Variants in THAP3 observed in about 807,000 individuals in gnomAD.
The protein encoded by THAP3 is THAP domain-containing protein 3.
THAP3 carries 12 observed loss-of-function variants against 17.7 expected under a neutral mutation model. That is an observed-to-expected ratio of 0.68 (90% CI 0.43 to 1.10). The LOEUF is 1.10. Among genes scored for constraint, THAP3 ranks in the 50% least tolerant of loss-of-function variants. The pLI is 0.00. For synonymous variants in THAP3, 133 were observed against 126.9 expected (o/e 1.05, Z -0.32); for missense variants, 289 against 318.0 (o/e 0.91, Z 0.69).
chr1:6,625,032 C>T, intron 1 of THAP3, 78 bp downstream of exon 1: 2 of 603,056 alleles, frequency 3.3e-6, no homozygotes, highest in African/African-American at 2.0e-5. Flanking sequence ...CTTTACGTGG[C>T]GCCCCGGGTC....
chr1:6,626,417 A>G (rs1641471634), intron 2 of THAP3, among the ~76,000 whole-genome samples: 1 of 151,854 alleles, frequency 6.6e-6, no homozygotes, highest in Non-Finnish European at 1.5e-5. Context: ...GCCCGCTATC[A>G]GAGTGGATTG....
downstream of THAP3, chr1:6,634,949 G>A (rs537491172): frequency 1.5e-4 from 162 of 1,052,234 alleles, no homozygotes; most frequent in Middle Eastern, 2.6e-3. Flanking sequence ...GCTCAAGCCC[G>A]CTGGTGGCAG....
At chr1:6,629,035 C>A (rs1641538762) in intron 3 of THAP3, among the ~76,000 whole-genome samples, 1 of 152,202 alleles carries the variant, frequency 6.6e-6, no homozygotes, top group Admixed American at 6.5e-5. Context: ...AACCCCATTT[C>A]TACTAAAAAT....
downstream of THAP3, among the ~76,000 whole-genome samples, chr1:6,633,840 G>T (rs533035767): frequency 6.6e-6 from 1 of 151,508 alleles, no homozygotes; most frequent in Non-Finnish European, 1.5e-5. Flanking sequence ...AACCCGGGAG[G>T]TGGAGGTTGC....
chr1:6,634,056 TCACGTGAAG>T, downstream of THAP3: 3 of 1,613,832 alleles, frequency 1.9e-6, no homozygotes, highest in South Asian at 3.3e-5. Context: ...AACCCCAGCT[TCACGTGAAG>T]CCTTGTGGTT....
rs759454928 is a variant in THAP3 at position 6,625,177 on chromosome 1, G to A, written c.-42G>A. The A allele has an allele frequency of 1.0e-4, 150 of 1,484,516 alleles. No homozygotes were observed. The highest frequency in any genetic ancestry group is 1.3e-4 in the Non-Finnish European group (143 of 1,107,676). The allele number at this position is 1,484,516 out of a possible 1,614,324, so 92.0% of individuals were successfully genotyped here. A position where few individuals can be genotyped will look rare whatever the true frequency, so the allele number is the denominator to read the frequency against. The stretch of plus-strand genomic sequence containing the variant: ...CCCTCCCCTCTCCGCAGGCCCCGCC[G>A]CCGCCGCCATCTTTGTTGGGGGCAG... On this transcript the variant is annotated 5_prime_UTR_variant, in exon 2 of 6. Coordinates refer to ENST00000054650, the MANE Select transcript of THAP3 (RefSeq NM_001195753.2).
In THAP3 at chr1:6,625,145, C is replaced by T. The variant is rs1641425746; in HGVS notation, c.-69-5C>T. The T allele has an allele frequency of 6.8e-7, 1 of 1,470,660 alleles. No homozygotes were observed. Among genetic ancestry groups the T allele is most frequent in the Non-Finnish European group, 9.1e-7 (1 of 1,098,250 alleles). 91.1% of individuals were successfully genotyped at this position (1,470,660 alleles called of 1,614,324 possible). A position where few individuals can be genotyped will look rare whatever the true frequency, so the allele number is the denominator to read the frequency against. On this transcript the variant is annotated splice_region_variant and splice_polypyrimidine_tract_variant and intron_variant, in intron 1 of 5. Coordinates refer to ENST00000054650, the MANE Select transcript of THAP3 (RefSeq NM_001195753.2). ...ACCTCCCAGCGGCCCCGCCCCTCCC[C>T]GCAGGTCCCTCCCCTCTCCGCAGGC...
At chr1:6,630,028 G>C (rs185783530) in intron 3 of THAP3, among the ~76,000 whole-genome samples, 1 of 152,228 alleles carries the variant, frequency 6.6e-6, no homozygotes, top group Non-Finnish European at 1.5e-5. Context: ...GTGACACATA[G>C]GAAGTAGATG....
chr1:6,634,559 G>T, downstream of THAP3: 1 of 1,365,472 alleles, frequency 7.3e-7, no homozygotes, highest in Non-Finnish European at 9.8e-7. Context: ...TGCTCCGAGG[G>T]GTCAGCAAGA....
chr1:6,634,366 T>C, downstream of THAP3: 1 of 1,107,596 alleles, frequency 9.0e-7, no homozygotes, highest in African/African-American at 1.6e-5. Flanking sequence ...TGGAGATGAA[T>C]GTTACAGAAT....
chr1:6,631,337 C>A (rs535523575), intron 4 of THAP3, among the ~76,000 whole-genome samples: 65 of 152,274 alleles, frequency 4.3e-4, no homozygotes, highest in African/African-American at 1.6e-3. Flanking sequence ...TCTTAAAGTT[C>A]AGTTCCAGGG....
At chr1:6,631,310 C>T (rs2148720145) in intron 4 of THAP3, among the ~76,000 whole-genome samples, 1 of 152,158 alleles carries the variant, frequency 6.6e-6, no homozygotes, top group South Asian at 2.1e-4. Context: ...AGCCACCGCA[C>T]CTGGCCGTGC....
chr1:6,632,300 T>G, intron 4 of THAP3, 91 bp from the exon 5 acceptor site: 1 of 1,550,552 alleles, frequency 6.4e-7, no homozygotes, highest in Non-Finnish European at 8.8e-7. Flanking sequence ...GGTCCCTGGC[T>G]GTTGCCACTC....
At chr1:6,625,113 C>G (rs1008745524) in intron 1 of THAP3, 37 bp from the exon 2 acceptor site, 1 of 1,298,366 alleles carries the variant, frequency 7.7e-7, no homozygotes, top group Non-Finnish European at 1.0e-6. Flanking sequence ...GAGCCAGGCC[C>G]GTCACCACCT....
chr1:6,630,155 T>C (rs1020413488), intron 3 of THAP3, 133 bp from the exon 4 acceptor site: 1 of 798,228 alleles, frequency 1.3e-6, no homozygotes, highest in Non-Finnish European at 2.2e-6. Flanking sequence ...TTCAGGTCAG[T>C]TTCATTTAGC....
At chr1:6,633,985 C>CTGAT (rs772737348), downstream of THAP3, 63 of 1,596,622 alleles carry the variant, frequency 3.9e-5, no homozygotes, top group Admixed American at 1.1e-3. Context: ...AAGTTCTAGC[C>CTGAT]TGATTTCCTA....
chr1:6,632,925 A>G lies in THAP3; in HGVS notation c.568A>G (p.Lys190Glu). The G allele has an allele frequency of 6.2e-7, 1 of 1,612,970 alleles. No homozygotes were observed. Among genetic ancestry groups the G allele is most frequent in the Non-Finnish European group, 8.5e-7 (1 of 1,179,904 alleles). ...YALLDLDSLK[K>E]KLFLTLKENE... Reference sequence around the variant, plus strand: ...CCTTTTGGACTTAGATTCCCTGAAGAAAAAACTCTTCCTCACTCTGAAGGA... The same window carrying G: ...CCTTTTGGACTTAGATTCCCTGAAGGAAAAACTCTTCCTCACTCTGAAGGA... Residue 190 changes from lysine to glutamate, a missense_variant, in exon 6 of 6, where the codon AAA becomes GAA. Coordinates refer to ENST00000054650, the MANE Select transcript of THAP3 (RefSeq NM_001195753.2).
At position 6,632,997 on chromosome 1, in the gene THAP3, C is replaced by G. The variant is rs187819489; in HGVS notation, c.640C>G (p.Arg214Gly). Residue 214 changes from arginine to glycine, a missense_variant, in exon 6 of 6, where the codon CGA becomes GGA. Arg to Gly is a moderately radical substitution (Grantham distance 125). Transcript: ENST00000054650. ...CTTGCAGGCCCAGAGGCTGGTGATG[C>G]GAAGGATGTCCAGCCGCCTCCGTGC... ...KRLQAQRLVM[R>G]RMSSRLRACK... 1.1e-5 allele frequency: 18 copies of G among 1,612,776 alleles called. No individual in the cohort carries two copies. Among genetic ancestry groups the G allele is most frequent in the Non-Finnish European group, 1.4e-5 (17 of 1,179,840 alleles).
intron 2 of THAP3, chr1:6,628,227 G>A (rs1024250790): frequency 2.3e-6 from 1 of 429,436 alleles, no homozygotes; most frequent in Non-Finnish European, 4.2e-6. Flanking sequence ...GAAGAACAGG[G>A]CCCGGCTCCT....
Sources: gnomAD v4.1 joint callset for allele counts (sites outside exome capture counted in the v4.1 genomes callset) on GRCh38, gnomAD v4.1.1 for gene constraint, MANE v1.5 for transcripts, NCBI Gene and HGNC (gene_info 2026-07-23, HGNC 2026-07-21) for gene names.